Variants in CHST10 observed in about 807,000 individuals in gnomAD.
The protein encoded by CHST10 is carbohydrate sulfotransferase 10, also known as HNK-1 sulfotransferase.
A neutral mutation model predicts 34.7 loss-of-function variants in CHST10; 24 were observed. That is an observed-to-expected ratio of 0.69 (90% CI 0.50 to 0.97). The LOEUF (loss-of-function observed/expected upper bound fraction) is 0.97. Ranked by LOEUF, CHST10 falls within the 50% of genes least tolerant of loss-of-function variation. The probability of loss-of-function intolerance (pLI) is 0.00; values close to 1 mark genes in which losing one functional copy is unlikely to be tolerated. For missense variants in CHST10, 402 were observed against 452.1 expected, an observed-to-expected ratio of 0.89 and a Z score of 1.00; for synonymous variants, 161 against 169.3, an observed-to-expected ratio of 0.95 and a Z score of 0.38.
intron 4 of CHST10, among the ~76,000 whole-genome samples, chr2:100,400,325 C>A (rs1379644471): frequency 2.6e-5 from 4 of 152,186 alleles, no homozygotes; most frequent in Admixed American, 6.5e-5. Context: ...CTATAGCCTC[C>A]AACTCCTGGG....
intron 4 of CHST10, among the ~76,000 whole-genome samples, chr2:100,400,416 T>C (rs1009909261): frequency 1.3e-5 from 2 of 152,112 alleles, no homozygotes; most frequent in African/African-American, 4.8e-5. Flanking sequence ...ATTTTTGTAT[T>C]TTGTGTAGAG....
intron 2 of CHST10, among the ~76,000 whole-genome samples, chr2:100,409,866 T>C (rs925826487): frequency 6.6e-6 from 1 of 152,214 alleles, no homozygotes; most frequent in African/African-American, 2.4e-5. Flanking sequence ...TAAACTAAGA[T>C]ATACAGAGAG....
chr2:100,393,110 A>C lies in CHST10; in HGVS notation c.*135T>G. On this transcript the variant is annotated 3_prime_UTR_variant, in exon 7 of 7. Transcript: ENST00000264249. ...GGGTTCTGCGTCATATGCCGAGGCAACTCACAGGCCTGTGGGAGACCCCGG... is the reference window on the plus strand; with the variant it reads ...GGGTTCTGCGTCATATGCCGAGGCACCTCACAGGCCTGTGGGAGACCCCGG... 1 of 872,852 alleles carries C rather than the reference A, an allele frequency of 1.1e-6. No individual in the cohort carries two copies. Among genetic ancestry groups the C allele is most frequent in the Non-Finnish European group, 1.8e-6 (1 of 561,578 alleles). The allele number at this position is 872,852 out of a possible 1,614,324, so 54.1% of individuals were successfully genotyped here.
At chr2:100,414,274 T>G (rs1558647806) in intron 2 of CHST10, among the ~76,000 whole-genome samples, 1 of 152,080 alleles carries the variant, frequency 6.6e-6, no homozygotes, top group Non-Finnish European at 1.5e-5. Flanking sequence ...TCAATGGCCC[T>G]TTACTGACAA....
At position 100,398,087 on chromosome 2, in the gene CHST10, T is replaced by A; in HGVS notation, c.248A>T (p.Glu83Val). 1 of 1,614,032 alleles carries A rather than the reference T, an allele frequency of 6.2e-7. No homozygotes were observed. Among genetic ancestry groups the A allele is most frequent in the Non-Finnish European group, 8.5e-7 (1 of 1,180,002 alleles). Residue 83 changes from glutamate (E) to valine (V), a missense_variant, in exon 5 of 7, where the codon GAG becomes GTG. Glu to Val is a moderately radical substitution (Grantham distance 121). Coordinates refer to ENST00000264249, the MANE Select transcript of CHST10 (RefSeq NM_004854.5). ...SQLVQPLVYMERLELIRNVCR... is the reference protein window; with the variant it reads ...SQLVQPLVYMVRLELIRNVCR... ...GACGTTTCTGATGAGTTCCAGGCGCTCCATGTAGACCAGGGGCTGAACGAG... is the reference window on the plus strand; with the variant it reads ...GACGTTTCTGATGAGTTCCAGGCGCACCATGTAGACCAGGGGCTGAACGAG...
intron 4 of CHST10, among the ~76,000 whole-genome samples, chr2:100,402,253 T>C (rs1675372940): frequency 6.6e-6 from 1 of 152,136 alleles, no homozygotes; most frequent in African/African-American, 2.4e-5. Context: ...ACTTCTGGTT[T>C]CCTCCTGACC....
intron 3 of CHST10, among the ~76,000 whole-genome samples, chr2:100,404,196 C>A (rs569291521): frequency 6.6e-6 from 1 of 152,328 alleles, no homozygotes; most frequent in African/African-American, 2.4e-5. Context: ...GTGGTGGTCA[C>A]CCCGCAACGG....
chr2:100,395,415 T>C lies in CHST10; in HGVS notation c.533+94A>G, dbSNP rs2241810. The C allele has an allele frequency of 0.47, 507,943 of 1,085,166 alleles. 125,329 individuals carry two copies. Among genetic ancestry groups the C allele is most frequent in the East Asian group, 0.72 (29,779 of 41,342 alleles). The allele number at this position is 1,085,166 out of a possible 1,614,324, so 67.2% of individuals were successfully genotyped here. ...CAGCCCTCTGTGGTCCTCCGATCAA[T>C]CTGCCAAGTACAGAACTCAGCCTGG... On this transcript the variant is annotated intron_variant, in intron 6 of 6. Coordinates refer to ENST00000264249, the MANE Select transcript of CHST10 (RefSeq NM_004854.5).
intron 6 of CHST10, among the ~76,000 whole-genome samples, chr2:100,394,567 C>A (rs1674963707): frequency 6.6e-6 from 1 of 152,174 alleles, no homozygotes; most frequent in South Asian, 2.1e-4. Context: ...AGGCGCCATG[C>A]AAGGCAGGTG....
Position 100,393,387 on chromosome 2 carries a change from G to A in CHST10, c.929C>T (p.Pro310Leu), listed in dbSNP as rs367887748. ...GGTTCTGTTATACACGGTAATGCCC[G>A]GAGGGATAGTCGGGTATGACACCAG... ...DHLVSYPTIPPGITVYNRTKV... is the reference protein window; with the variant it reads ...DHLVSYPTIPLGITVYNRTKV... Residue 310 changes from proline (P) to leucine (L), a missense_variant, in exon 7 of 7, where the codon CCG (proline) becomes CTG (leucine). Physicochemically the swap from Pro to Leu is moderately conservative, Grantham distance 98 (BLOSUM62 -3). Coordinates refer to ENST00000264249, the MANE Select transcript of CHST10 (RefSeq NM_004854.5). 1.1e-4 allele frequency: 174 copies of A among 1,614,010 alleles called. No homozygotes were observed. The highest frequency in any genetic ancestry group is 1.4e-4 in the Non-Finnish European group (161 of 1,180,028).
At chr2:100,416,876 G>T in intron 1 of CHST10, 1 of 923,778 alleles carries the variant, frequency 1.1e-6, no homozygotes, top group Non-Finnish European at 1.5e-6. Flanking sequence ...AGAACTGCAT[G>T]CCTCAACCTC....
intron 3 of CHST10, among the ~76,000 whole-genome samples, chr2:100,406,087 A>G (rs965817394): frequency 6.6e-6 from 1 of 152,220 alleles, no homozygotes; most frequent in African/African-American, 2.4e-5. Context: ...AGGAGAGCTA[A>G]GAAAGCCTCC....
chr2:100,404,608 A>G (rs1349304929), intron 3 of CHST10, among the ~76,000 whole-genome samples: 2 of 152,180 alleles, frequency 1.3e-5, no homozygotes, highest in African/African-American at 4.8e-5. Context: ...ATCAGTGTCT[A>G]CACTGAAAAC....
Position 100,392,674 on chromosome 2 carries a change from T to G in CHST10, c.*571A>C, listed in dbSNP as rs116832706. 447 of 161,074 alleles carry G rather than the reference T, an allele frequency of 2.8e-3. No individual in the cohort carries two copies. Among genetic ancestry groups the G allele is most frequent in the African/African-American group, 0.01 (422 of 41,602 alleles). 10.0% of individuals were successfully genotyped at this position (161,074 alleles called of 1,614,324 possible). A position where few individuals can be genotyped will look rare whatever the true frequency, so the allele number is the denominator to read the frequency against. Reference sequence around the variant, plus strand: ...TCGCTGACTGTCTACAGGAACAAAATAGTCACAGAAAGAATGCTTTGCCTC... The same window carrying G: ...TCGCTGACTGTCTACAGGAACAAAAGAGTCACAGAAAGAATGCTTTGCCTC... On this transcript the variant is annotated 3_prime_UTR_variant, in exon 7 of 7. Coordinates refer to ENST00000264249, the MANE Select transcript of CHST10 (RefSeq NM_004854.5).
chr2:100,406,306 C>G (rs1675570263), intron 3 of CHST10, among the ~76,000 whole-genome samples: 1 of 152,196 alleles, frequency 6.6e-6, no homozygotes, highest in South Asian at 2.1e-4. Context: ...AGACCCTGCT[C>G]CTTGCTCCTA....
Position 100,393,580 on chromosome 2 carries a change from C to A in CHST10, c.736G>T (p.Asp246Tyr). 1 of 1,614,080 alleles carries A rather than the reference C, an allele frequency of 6.2e-7. No individual in the cohort carries two copies. The highest frequency in any genetic ancestry group is 8.5e-7 in the Non-Finnish European group (1 of 1,180,016). Residue 246 changes from aspartate (D) to tyrosine (Y), a missense_variant, in exon 7 of 7, where the codon GAT becomes TAT. Asp to Tyr is a radical substitution (Grantham distance 160). Transcript: ENST00000264249. Reference protein sequence around the residue: ...QFEDFVRYLGDPNHRWLDLQF... With the variant: ...QFEDFVRYLGYPNHRWLDLQF... Reference sequence around the variant, plus strand: ...AGGTCTAGCCATCTGTGGTTCGGATCGCCGAGGTAGCGCACGAAATCTTCA... The same window carrying A: ...AGGTCTAGCCATCTGTGGTTCGGATAGCCGAGGTAGCGCACGAAATCTTCA...
In CHST10 at chr2:100,393,664, C is replaced by A. The variant is rs1401968904; in HGVS notation, c.652G>T (p.Ala218Ser). ...CTGTATTTTCTGATGATGCCAGGAG[C>A]AATCTCATGCCTGTACCAAGGCTCA... ...RFEPWYRHEI[A>S]PGIIRKYRRN... Residue 218 changes from alanine (A) to serine (S), a missense_variant, in exon 7 of 7, where the codon GCT becomes TCT. Physicochemically the swap from Ala to Ser is moderately conservative, Grantham distance 99. Transcript: ENST00000264249. 2 of 1,614,022 alleles carry A rather than the reference C, an allele frequency of 1.2e-6. No homozygotes were observed. The highest frequency in any genetic ancestry group is 1.7e-6 in the Non-Finnish European group (2 of 1,180,040).
intron 3 of CHST10, among the ~76,000 whole-genome samples, chr2:100,405,039 G>A (rs576544302): frequency 8.1e-4 from 123 of 152,328 alleles, no homozygotes; most frequent in African/African-American, 2.7e-3. Context: ...TCCCACAGGT[G>A]ATTCTGAAGT....
intron 1 of CHST10, 40 bp from the exon 2 acceptor site, chr2:100,415,151 G>A: frequency 1.7e-6 from 2 of 1,189,596 alleles, no homozygotes; most frequent in Non-Finnish European, 2.2e-6. Context: ...ATTATTAAAA[G>A]TTACAAGATC....
Sources: allele counts gnomAD v4.1 joint callset (sites outside exome capture counted in the v4.1 genomes callset), GRCh38; gene constraint gnomAD v4.1.1; transcripts MANE v1.5; gene names NCBI Gene and HGNC (gene_info 2026-07-23, HGNC 2026-07-21).